Variants in WDFY4 observed in about 807,000 individuals in gnomAD.
The protein encoded by WDFY4 is WDFY family member 4, also known as WD repeat- and FYVE domain-containing protein 4.
A neutral mutation model predicts 351.9 loss-of-function variants in WDFY4; 169 were observed. That is an observed-to-expected ratio of 0.48 (90% confidence interval 0.42 to 0.55). The LOEUF (loss-of-function observed/expected upper bound fraction) is 0.55, where lower values mean the gene tolerates loss of function less well. Ranked by LOEUF, WDFY4 falls within the 20% of genes least tolerant of loss-of-function variation. WDFY4 has a pLI of 0.00. For missense variants in WDFY4, 3,803 were observed against 3,935.6 expected (o/e 0.97, Z 0.90); for synonymous variants, 1,622 against 1,574.6 (o/e 1.03, Z -0.71).
At chr10:48,698,330 A>G (rs1175760484) in intron 1 of WDFY4, among the ~76,000 whole-genome samples, 1 of 152,176 alleles carries the variant, frequency 6.6e-6, no homozygotes, top group Non-Finnish European at 1.5e-5. Flanking sequence ...CCTGTTCCCA[A>G]GCGTGCCAGG....
At chr10:48,939,371 T>C (rs909561206) in intron 47 of WDFY4, among the ~76,000 whole-genome samples, 16 of 152,154 alleles carry the variant, frequency 1.1e-4, no homozygotes, top group African/African-American at 3.6e-4. Context: ...GTGACAGGTG[T>C]GGCCAGTGTG....
At chr10:48,723,712 C>T in intron 5 of WDFY4, 145 bp downstream of exon 5, 3 of 1,163,834 alleles carry the variant, frequency 2.6e-6, no homozygotes, top group East Asian at 5.2e-5. Flanking sequence ...ACCTCCCCCT[C>T]CCCTCCCCAC....
intron 58 of WDFY4, 88 bp from the exon 59 acceptor site, chr10:48,976,709 C>T (rs1445718587): frequency 7.4e-6 from 9 of 1,217,520 alleles, no homozygotes; most frequent in African/African-American, 1.6e-5. Context: ...ATTGAGAGTA[C>T]TTGGGTGTAC....
At chr10:48,931,287 T>C (rs2133683639) in intron 47 of WDFY4, among the ~76,000 whole-genome samples, 1 of 152,350 alleles carries the variant, frequency 6.6e-6, no homozygotes, top group South Asian at 2.1e-4. Flanking sequence ...TCTGGTTGCC[T>C]GAGGCAGCCA....
chr10:48,821,898 C>T (rs2067835791), intron 34 of WDFY4, among the ~76,000 whole-genome samples: 1 of 152,152 alleles, frequency 6.6e-6, no homozygotes, highest in African/African-American at 2.4e-5. Context: ...GGTGCCTGGA[C>T]CTGTGAGTAA....
intron 47 of WDFY4, 81 bp downstream of exon 47, chr10:48,901,944 G>A (rs1476445298): frequency 4.5e-6 from 6 of 1,340,518 alleles, no homozygotes; most frequent in East Asian, 2.5e-5. Context: ...CCACTCTAAA[G>A]AAGTCTTGCA....
chr10:48,946,786 C>A, intron 50 of WDFY4, 74 bp from the exon 51 acceptor site: 1 of 1,085,526 alleles, frequency 9.2e-7, no homozygotes, highest in Non-Finnish European at 1.4e-6. Flanking sequence ...TTCATGAACA[C>A]AGTGTAGCAC....
intron 40 of WDFY4, among the ~76,000 whole-genome samples, chr10:48,870,110 A>G (rs2069708281): frequency 1.3e-5 from 2 of 152,186 alleles, no homozygotes. Flanking sequence ...AACTCAGATT[A>G]TAGAGACTTG....
intron 5 of WDFY4, among the ~76,000 whole-genome samples, chr10:48,724,197 G>A (rs544406571): frequency 6.6e-6 from 1 of 152,272 alleles, no homozygotes; most frequent in East Asian, 1.9e-4. Context: ...CGGTATGGAG[G>A]ATCGTGTGGC....
At chr10:48,930,107 T>C (rs1278801999) in intron 47 of WDFY4, among the ~76,000 whole-genome samples, 1 of 152,132 alleles carries the variant, frequency 6.6e-6, no homozygotes, top group Non-Finnish European at 1.5e-5. Flanking sequence ...CCTTGGTCAA[T>C]ACTAGTTTAA....
intron 35 of WDFY4, chr10:48,823,165 A>G: frequency 7.8e-7 from 1 of 1,284,340 alleles, no homozygotes. Flanking sequence ...ATTGAAAGAG[A>G]CCTTTTTTTT....
rs551265033 is a variant in WDFY4, at chr10:48,964,164, C to T, written c.8436+110C>T. 2.5e-6 allele frequency: 3 copies of T among 1,193,548 alleles called. No homozygotes were observed. In the African/African-American group the frequency reaches 4.5e-5, roughly 18 times the overall value. The allele number at this position is 1,193,548 out of a possible 1,614,324, so 73.9% of individuals were successfully genotyped here. A position where few individuals can be genotyped will look rare whatever the true frequency, so the allele number is the denominator to read the frequency against. The stretch of plus-strand genomic sequence containing the variant: ...GAGATGGCTGAAGAGGTGAAATGGT[C>T]CCCCATCATCTTCCTGTGCTTTCAA... On this transcript the variant is annotated intron_variant, in intron 54 of 61. Coordinates refer to ENST00000325239, the MANE Select transcript of WDFY4 (RefSeq NM_001394531.1).
intron 2 of WDFY4, among the ~76,000 whole-genome samples, chr10:48,716,217 T>C (rs1430423349): frequency 6.6e-6 from 1 of 152,188 alleles, no homozygotes; most frequent in Non-Finnish European, 1.5e-5. Flanking sequence ...TGCCAAACTC[T>C]GCAGTAATGG....
intron 47 of WDFY4, among the ~76,000 whole-genome samples, chr10:48,928,776 A>G (rs1275482391): frequency 6.6e-6 from 1 of 152,188 alleles, no homozygotes; most frequent in African/African-American, 2.4e-5. Context: ...CTGACCGCCT[A>G]TCACCTGGGA....
intron 9 of WDFY4, 131 bp downstream of exon 9, chr10:48,731,693 G>A: frequency 8.9e-7 from 1 of 1,124,352 alleles, no homozygotes; most frequent in Non-Finnish European, 1.2e-6. Flanking sequence ...GGTATGCTTG[G>A]GACACACAGT....
rs1271263413 is a variant in WDFY4 at position 48,731,437 on chromosome 10, C to T, written c.1457C>T (p.Ala486Val). 7 of 1,551,732 alleles carry T rather than the reference C, an allele frequency of 4.5e-6. 1 individual carries two copies. In the South Asian group the frequency reaches 5.9e-5, roughly 13 times the overall value. Residue 486 changes from alanine to valine, a missense_variant, in exon 9 of 62, where the codon GCC becomes GTC. Ala to Val is a moderately conservative substitution (Grantham distance 64). Around this residue, in one of 3 missense-constraint regions of WDFY4, gnomAD observed 261 missense variants for 330.2 expected, o/e 0.79. Coordinates refer to ENST00000325239, the MANE Select transcript of WDFY4 (RefSeq NM_001394531.1). ...ESPGPSCTLM[A>V]LQSILSIAGG... Reference sequence around the variant, plus strand: ...CCTGGGCCATCCTGCACCCTCATGGCCCTGCAGAGCATCCTCAGCATCGCT... The same window carrying T: ...CCTGGGCCATCCTGCACCCTCATGGTCCTGCAGAGCATCCTCAGCATCGCT...
At chr10:48,763,445 C>T (rs375006274) in intron 13 of WDFY4, among the ~76,000 whole-genome samples, 4 of 152,224 alleles carry the variant, frequency 2.6e-5, no homozygotes, top group South Asian at 2.1e-4. Flanking sequence ...TTTCATACAA[C>T]GCATTGTACT....
In WDFY4 at chr10:48,727,561, C is replaced by A; in HGVS notation, c.873C>A (p.Ile291=). 6.4e-7 allele frequency: 1 copy of A among 1,551,912 alleles called. No individual in the cohort carries two copies. Among genetic ancestry groups the A allele is most frequent in the Non-Finnish European group, 8.7e-7 (1 of 1,147,042 alleles). The part of the protein sequence containing the change: ...APEVSEAVSL[I]LGFVKDSYPV... Reference sequence around the variant, plus strand: ...AAGTGAGCGAGGCTGTAAGCCTGATCTTGGGATTCGTGAAGGACTCCTACC... The same window carrying A: ...AAGTGAGCGAGGCTGTAAGCCTGATATTGGGATTCGTGAAGGACTCCTACC... Residue 291 remains isoleucine, a synonymous_variant, in exon 7 of 62, where the codon ATC becomes ATA. Coordinates refer to ENST00000325239, the MANE Select transcript of WDFY4 (RefSeq NM_001394531.1).
Position 48,911,987 on chromosome 10 carries a change from G to A in WDFY4, c.7586+10124G>A, listed in dbSNP as rs372374316. Among the ~76,000 whole-genome samples, 45 of 152,342 alleles carry A rather than the reference G, an allele frequency of 3.0e-4. 1 individual carries two copies. In the South Asian group the frequency reaches 9.1e-3, roughly 31 times the overall value. ...GAAAATAAGTTAATACCACTTCACT[G>A]ATGGATGCCTCTTGGTGCTTCTCAT... is the stretch of plus-strand genomic sequence containing the variant. On this transcript the variant is annotated intron_variant, in intron 47 of 61. Coordinates refer to ENST00000325239, the MANE Select transcript of WDFY4 (RefSeq NM_001394531.1).
Sources: gnomAD v4.1 joint callset for allele counts (sites outside exome capture counted in the v4.1 genomes callset) on GRCh38, gnomAD v4.1.1 for gene constraint, gnomAD v4.1.1 regional missense constraint, MANE v1.5 for transcripts, NCBI Gene and HGNC (gene_info 2026-07-23, HGNC 2026-07-21) for gene names.